ACTR3: variants seen among roughly 807,000 people sequenced by gnomAD.
ACTR3 encodes the protein actin related protein 3.
ACTR3 carries 12 observed loss-of-function variants against 56.8 expected under a neutral mutation model. The observed-to-expected ratio is 0.21, with a 90% CI of 0.14 to 0.34. The LOEUF (loss-of-function observed/expected upper bound fraction) is 0.34, where lower values mean the gene tolerates loss of function less well. Among genes scored for constraint, ACTR3 ranks in the 10% least tolerant of loss-of-function variants. The pLI is 1.00. For synonymous variants in ACTR3, 162 were observed against 167.4 expected (o/e 0.97, Z 0.25); for missense variants, 282 against 512.5 (o/e 0.55, Z 4.34).
At chr2:113,922,012 A>C (rs560078882) in intron 3 of ACTR3, among the ~76,000 whole-genome samples, 3 of 152,336 alleles carry the variant, frequency 2.0e-5, no homozygotes, top group South Asian at 4.1e-4. Flanking sequence ...AATGGTGCTG[A>C]GATGAGCTAG....
chr2:113,914,614 C>CAAAAAAAAAAAAAA (rs55784117), intron 2 of ACTR3, among the ~76,000 whole-genome samples: 1 of 69,228 alleles, frequency 1.4e-5, no homozygotes, highest in Non-Finnish European at 3.5e-5. Flanking sequence ...GACTCAGTCT[C>CAAAAAAAAAAAAAA]AAAAAAAAAA....
intron 3 of ACTR3, among the ~76,000 whole-genome samples, chr2:113,923,984 T>C (rs1679569418): frequency 6.6e-6 from 1 of 152,088 alleles, no homozygotes; most frequent in African/African-American, 2.4e-5. Context: ...ATTTTTATGT[T>C]TTGATTAATG....
At chr2:113,915,602 T>C (rs1679390340) in intron 2 of ACTR3, among the ~76,000 whole-genome samples, 2 of 152,262 alleles carry the variant, frequency 1.3e-5, no homozygotes, top group Admixed American at 1.3e-4. Context: ...TTCAGGAGAC[T>C]ACTAAAGTTA....
At position 113,941,463 on chromosome 2, in the gene ACTR3, CT is replaced by C. The variant is rs770669523; in HGVS notation, c.685-720del. 4.5e-4 allele frequency among the ~76,000 whole-genome samples: 68 copies of C among 151,900 alleles called. 1 individual carries two copies. The highest frequency in any genetic ancestry group is 2.0e-3 in the Admixed American group (30 of 15,270). On this transcript the variant is annotated intron_variant, in intron 7 of 11. Coordinates refer to ENST00000263238, the MANE Select transcript of ACTR3 (RefSeq NM_005721.5). ...GTCTTCGGATTCCAGTATTTTTTCT[CT>C]TTGTGTATTTTGATTATTACTGGTA...
chr2:113,926,734 C>A (rs1255524789), intron 3 of ACTR3, among the ~76,000 whole-genome samples: 2 of 152,216 alleles, frequency 1.3e-5, no homozygotes, highest in African/African-American at 4.8e-5. Flanking sequence ...GCCCTACCAC[C>A]TCTCGATACT....
chr2:113,934,566 T>TC, intron 6 of ACTR3, 180 bp downstream of exon 6: 1 of 407,864 alleles, frequency 2.5e-6, no homozygotes, highest in East Asian at 4.1e-5. Context: ...TCAAAATGTT[T>TC]CTTTTACTGT....
chr2:113,949,668 C>T (rs72835491), intron 8 of ACTR3, among the ~76,000 whole-genome samples: 3,321 of 152,096 alleles, frequency 0.022, 48 homozygotes, highest in Middle Eastern at 0.041. Flanking sequence ...GTCAAGCAAT[C>T]CTTTTTCCTC....
chr2:113,925,938 G>A (rs13006608), intron 3 of ACTR3, among the ~76,000 whole-genome samples: 8,183 of 152,204 alleles, frequency 0.054, 256 homozygotes, highest in Non-Finnish European at 0.072. Context: ...TCTCAGTGCC[G>A]TTAGGGTCTC....
At position 113,955,910 on chromosome 2, in the gene ACTR3, G is replaced by A. The variant is rs528810893; in HGVS notation, c.1161+204G>A. 4.6e-5 allele frequency among the ~76,000 whole-genome samples: 7 copies of A among 152,094 alleles called. No individual in the cohort carries two copies. In the South Asian group the frequency reaches 6.2e-4, roughly 14 times the overall value. On this transcript the variant is annotated intron_variant, in intron 11 of 11. Transcript: ENST00000263238. Reference sequence around the variant, plus strand: ...CTACAGGCATGCGTCACCACACCTGGCTAATTTTGCATTTTTAGCAGAGAC... The same window carrying A: ...CTACAGGCATGCGTCACCACACCTGACTAATTTTGCATTTTTAGCAGAGAC...
intron 1 of ACTR3, among the ~76,000 whole-genome samples, chr2:113,899,959 C>T (rs1168323899): frequency 1.3e-5 from 2 of 151,994 alleles, no homozygotes; most frequent in Non-Finnish European, 2.9e-5. Context: ...TTAAATGGGG[C>T]AGAATGGTTT....
In ACTR3 at chr2:113,928,501, GGATTTTGAC is replaced by G. The variant is rs1454698250; in HGVS notation, c.336+1047_336+1055del. 2.0e-5 allele frequency among the ~76,000 whole-genome samples: 3 copies of G among 151,710 alleles called. No individual in the cohort carries two copies. The East Asian group carries it at 5.8e-4, about 29-fold the overall frequency. On this transcript the variant is annotated intron_variant, in intron 4 of 11. Coordinates refer to ENST00000263238, the MANE Select transcript of ACTR3 (RefSeq NM_005721.5). ...AAATCACCGGTCTGCACCATTCAGT[GGATTTTGAC>G]CAGGGTTTGGCAAACTTTCTAAGGG...
At chr2:113,902,953 C>T (rs1254319517) in intron 1 of ACTR3, among the ~76,000 whole-genome samples, 1 of 152,176 alleles carries the variant, frequency 6.6e-6, no homozygotes, top group African/African-American at 2.4e-5. Context: ...TACAATCAAG[C>T]TAATTAATGT....
At chr2:113,936,302 C>CAAAAAA (rs61526382) in intron 6 of ACTR3, among the ~76,000 whole-genome samples, 2 of 78,244 alleles carry the variant, frequency 2.6e-5, no homozygotes, top group African/African-American at 9.2e-5. Context: ...ACCCTGTCTC[C>CAAAAAA]AAAAAAAAAA....
At chr2:113,921,136 T>C (rs944370744) in intron 3 of ACTR3, among the ~76,000 whole-genome samples, 1 of 152,146 alleles carries the variant, frequency 6.6e-6, no homozygotes, top group Non-Finnish European at 1.5e-5. Context: ...TTTGTGATTT[T>C]TTTTGTCTTT....
At chr2:113,931,838 T>G (rs1679728621) in intron 5 of ACTR3, among the ~76,000 whole-genome samples, 1 of 152,128 alleles carries the variant, frequency 6.6e-6, no homozygotes, top group Non-Finnish European at 1.5e-5. Context: ...TTTGTACGTT[T>G]ATCTGTATGG....
intron 5 of ACTR3, among the ~76,000 whole-genome samples, chr2:113,933,084 A>T (rs530717838): frequency 6.6e-6 from 1 of 152,264 alleles, no homozygotes; most frequent in South Asian, 2.1e-4. Flanking sequence ...ATTGTGTTGT[A>T]TTGTCTGTAC....
intron 1 of ACTR3, among the ~76,000 whole-genome samples, chr2:113,901,468 A>T: frequency 6.6e-6 from 1 of 152,274 alleles, no homozygotes; most frequent in African/African-American, 2.4e-5. Flanking sequence ...CATTGGGATC[A>T]ATTAGTAAAC....
intron 3 of ACTR3, among the ~76,000 whole-genome samples, chr2:113,918,730 A>G (rs1057111141): frequency 6.6e-6 from 1 of 152,126 alleles, no homozygotes; most frequent in East Asian, 1.9e-4. Flanking sequence ...AGAAATTGTT[A>G]TACTCTAGTG....
At chr2:113,923,175 C>T (rs1679542122) in intron 3 of ACTR3, among the ~76,000 whole-genome samples, 1 of 152,114 alleles carries the variant, frequency 6.6e-6, no homozygotes, top group Admixed American at 6.5e-5. Flanking sequence ...TTTCTCTTTC[C>T]TTTTAAAACG....
Sources: gnomAD v4.1 joint callset for allele counts (sites outside exome capture counted in the v4.1 genomes callset) on GRCh38, gnomAD v4.1.1 for gene constraint, MANE v1.5 for transcripts, NCBI Gene and HGNC (gene_info 2026-07-23, HGNC 2026-07-21) for gene names.